The following AP3B1 variants were observed in gnomAD, a reference collection of about 807,000 sequenced individuals.
AP3B1 encodes the protein AP-3 complex subunit beta-1.
A neutral mutation model predicts 132.5 loss-of-function variants in AP3B1; 61 were observed. The observed-to-expected ratio is 0.46, with a 90% CI of 0.37 to 0.57. The LOEUF (loss-of-function observed/expected upper bound fraction) is 0.57, where lower values mean the gene tolerates loss of function less well. Ranked by LOEUF, AP3B1 falls within the 20% of genes least tolerant of loss-of-function variation. AP3B1 has a pLI of 0.00. For missense variants in AP3B1, 1,120 were observed against 1,289.4 expected (o/e 0.87, Z 2.01); for synonymous variants, 388 against 438.3 (o/e 0.89, Z 1.43).
chr5:78,037,105 TTC>T (rs1257556580), intron 23 of AP3B1, among the ~76,000 whole-genome samples: 5 of 152,182 alleles, frequency 3.3e-5, no homozygotes, highest in Non-Finnish European at 4.4e-5. Context: ...CATATTTTAT[TTC>T]TCTGTTAAAG....
Position 78,002,772 on chromosome 5 carries a change from C to G in AP3B1, c.*130G>C, listed in dbSNP as rs570942210. 9.6e-7 allele frequency: 1 copy of G among 1,039,658 alleles called. No individual in the cohort carries two copies. The highest frequency in any genetic ancestry group is 2.4e-5 in the East Asian group (1 of 42,300). The allele number at this position is 1,039,658 out of a possible 1,614,324, so 64.4% of individuals were successfully genotyped here. ...CACACTAGCATTCTAAAGCAGGAGA[C>G]AAGAATGTCAAGAGTGTATTCTACC... is the stretch of plus-strand genomic sequence containing the variant. On this transcript the variant is annotated 3_prime_UTR_variant, in exon 27 of 27. Coordinates refer to ENST00000255194, the MANE Select transcript of AP3B1 (RefSeq NM_003664.5).
At chr5:78,208,154 T>G (rs1745590153) in intron 7 of AP3B1, among the ~76,000 whole-genome samples, 1 of 151,754 alleles carries the variant, frequency 6.6e-6, no homozygotes. Context: ...AGAAGAGACA[T>G]GAAATTAAGT....
intron 7 of AP3B1, among the ~76,000 whole-genome samples, chr5:78,210,921 C>T (rs1013183902): frequency 1.3e-5 from 2 of 151,968 alleles, no homozygotes; most frequent in African/African-American, 2.4e-5. Flanking sequence ...CCATAATAGG[C>T]TTGAATGACA....
intron 22 of AP3B1, among the ~76,000 whole-genome samples, chr5:78,079,892 C>T (rs1471979321): frequency 6.6e-5 from 10 of 152,094 alleles, no homozygotes; most frequent in South Asian, 2.1e-4. Flanking sequence ...ATTTGGTGTT[C>T]GCCAGTTGCA....
At chr5:78,047,829 C>T (rs955644463) in intron 22 of AP3B1, among the ~76,000 whole-genome samples, 3 of 152,168 alleles carry the variant, frequency 2.0e-5, no homozygotes, top group African/African-American at 7.2e-5. Context: ...TGTCTTCTAC[C>T]AGCATTCATG....
intron 11 of AP3B1, among the ~76,000 whole-genome samples, chr5:78,175,279 A>G (rs112493427): frequency 0.041 from 6,247 of 152,294 alleles, 193 homozygotes; most frequent in East Asian, 0.13. Context: ...TTGGAAATGC[A>G]GAAATCACCC....
At chr5:78,276,097 G>A (rs543587556) in intron 1 of AP3B1, among the ~76,000 whole-genome samples, 27 of 151,306 alleles carry the variant, frequency 1.8e-4, no homozygotes, top group Non-Finnish European at 3.5e-4. Flanking sequence ...ATAGGGTCTT[G>A]CTCTATTGCC....
At chr5:78,293,888 T>C (rs1043083004) in intron 1 of AP3B1, among the ~76,000 whole-genome samples, 4 of 152,228 alleles carry the variant, frequency 2.6e-5, no homozygotes, top group Non-Finnish European at 5.9e-5. Context: ...TATGCTTATT[T>C]TGGATTGGTG....
chr5:78,082,309 T>A (rs1474978374), intron 22 of AP3B1, among the ~76,000 whole-genome samples: 1 of 152,226 alleles, frequency 6.6e-6, no homozygotes, highest in East Asian at 1.9e-4. Context: ...GAATCTATTA[T>A]CTGTTGCCAA....
intron 7 of AP3B1, among the ~76,000 whole-genome samples, chr5:78,191,242 A>G (rs1744814023): frequency 6.6e-6 from 1 of 151,788 alleles, no homozygotes; most frequent in East Asian, 1.9e-4. Flanking sequence ...GAAACCTGTT[A>G]GAAGGCACTG....
intron 13 of AP3B1, among the ~76,000 whole-genome samples, chr5:78,159,575 C>T (rs1743302047): frequency 6.6e-6 from 1 of 152,186 alleles, no homozygotes; most frequent in African/African-American, 2.4e-5. Flanking sequence ...GACCTTCTGA[C>T]ATCTTCTGAC....
intron 17 of AP3B1, among the ~76,000 whole-genome samples, chr5:78,123,755 G>A (rs1235689413): frequency 1.6e-4 from 25 of 151,706 alleles, no homozygotes; most frequent in East Asian, 1.9e-4. Flanking sequence ...TGGTGGGACT[G>A]TAAACTAGTT....
At chr5:78,193,740 T>TATATATATCTATATCTA (rs1561469382) in intron 7 of AP3B1, among the ~76,000 whole-genome samples, 1 of 41,732 alleles carries the variant, frequency 2.4e-5, no homozygotes, top group Admixed American at 3.5e-4. Flanking sequence ...TTGTATATAT[T>TATATATATCTATATCTA]TTTTTATATA....
intron 2 of AP3B1, among the ~76,000 whole-genome samples, chr5:78,249,549 T>C (rs1399068693): frequency 6.6e-6 from 1 of 151,674 alleles, no homozygotes; most frequent in Non-Finnish European, 1.5e-5. Flanking sequence ...CTTTTCAATC[T>C]CTATTCTTCA....
At chr5:78,262,252 T>G (rs1180795433) in intron 2 of AP3B1, among the ~76,000 whole-genome samples, 1 of 152,224 alleles carries the variant, frequency 6.6e-6, no homozygotes, top group African/African-American at 2.4e-5. Context: ...AATCTACTTT[T>G]TTTTTACTGT....
At chr5:78,166,282 A>G (rs2112379419) in intron 11 of AP3B1, among the ~76,000 whole-genome samples, 1 of 152,180 alleles carries the variant, frequency 6.6e-6, no homozygotes, top group East Asian at 1.9e-4. Flanking sequence ...TTTGAAAACA[A>G]TTCGGAAAAG....
At chr5:78,254,636 T>C (rs749225785) in intron 2 of AP3B1, among the ~76,000 whole-genome samples, 24 of 152,202 alleles carry the variant, frequency 1.6e-4, no homozygotes, top group Middle Eastern at 3.4e-3. Flanking sequence ...AAATAAACTT[T>C]CCCAAACAAA....
chr5:78,225,647 A>G, intron 5 of AP3B1, 39 bp from the exon 6 acceptor site: 1 of 1,325,714 alleles, frequency 7.5e-7, no homozygotes, highest in Admixed American at 1.7e-5. Context: ...TTTTCCCTTT[A>G]ATTCTAGCTT....
intron 7 of AP3B1, among the ~76,000 whole-genome samples, chr5:78,186,173 G>A (rs1744596698): frequency 6.6e-6 from 1 of 151,976 alleles, no homozygotes; most frequent in Non-Finnish European, 1.5e-5. Context: ...TAAAGATAAA[G>A]GCAGGTTAAA....
Sources: gnomAD v4.1 joint callset for allele counts (sites outside exome capture counted in the v4.1 genomes callset) on GRCh38, gnomAD v4.1.1 for gene constraint, MANE v1.5 for transcripts, NCBI Gene and HGNC (gene_info 2026-07-23, HGNC 2026-07-21) for gene names.